The following ABCD3 variants were observed in gnomAD, a reference collection of about 807,000 sequenced individuals.
The protein encoded by ABCD3 is ATP binding cassette subfamily D member 3, also known as ATP-binding cassette sub-family D member 3.
A neutral mutation model predicts 105.5 loss-of-function variants in ABCD3; 41 were observed. That is an observed-to-expected ratio of 0.39 (90% CI 0.30 to 0.50). ABCD3 has a LOEUF of 0.50. Among genes scored for constraint, ABCD3 ranks in the 20% least tolerant of loss-of-function variants. The pLI is 0.84. For synonymous variants in ABCD3, 258 were observed against 269.0 expected (o/e 0.96, Z 0.40); for missense variants, 622 against 806.3 (o/e 0.77, Z 2.77).
At chr1:94,402,062 G>C in the ABCD3 span, among the ~76,000 whole-genome samples, 2 of 152,170 alleles carry the variant, frequency 1.3e-5, no homozygotes, top group East Asian at 3.8e-4. Context: ...GTGTGTGTCT[G>C]CTTATCTGTC....
chr1:94,389,271 C>T, the ABCD3 span, among the ~76,000 whole-genome samples: 56 of 152,348 alleles, frequency 3.7e-4, 1 homozygote, highest in South Asian at 0.01. Flanking sequence ...CAGGCCCCCA[C>T]ATCTGGCCAT....
chr1:94,401,786 C>T, the ABCD3 span, among the ~76,000 whole-genome samples: 6 of 152,138 alleles, frequency 3.9e-5, no homozygotes, highest in Non-Finnish European at 5.9e-5. Flanking sequence ...CTTGTTTGCT[C>T]ATTCATTCAT....
At chr1:94,388,840 A>C in the ABCD3 span, among the ~76,000 whole-genome samples, 8 of 152,190 alleles carry the variant, frequency 5.3e-5, no homozygotes, top group African/African-American at 1.9e-4. Flanking sequence ...AAAAACAAAA[A>C]ACAATTTAAT....
intron 4 of ABCD3, among the ~76,000 whole-genome samples, chr1:94,471,023 T>C (rs1459627458): frequency 6.6e-6 from 1 of 152,162 alleles, no homozygotes; most frequent in Non-Finnish European, 1.5e-5. Context: ...GGCTGTGAAT[T>C]CATATTTAAA....
the ABCD3 span, among the ~76,000 whole-genome samples, chr1:94,390,639 A>G: frequency 1.3e-5 from 2 of 152,106 alleles, no homozygotes; most frequent in African/African-American, 4.8e-5. Flanking sequence ...TGGTGCTGCT[A>G]ATCTCTGCAA....
intron 1 of ABCD3, among the ~76,000 whole-genome samples, chr1:94,451,752 T>C (rs1647270452): frequency 1.3e-5 from 2 of 152,188 alleles, no homozygotes; most frequent in African/African-American, 4.8e-5. Flanking sequence ...TTACTGTTAT[T>C]CTTTATTGTA....
chr1:94,496,258 C>G (rs1460493512), intron 16 of ABCD3, among the ~76,000 whole-genome samples: 1 of 152,164 alleles, frequency 6.6e-6, no homozygotes, highest in African/African-American at 2.4e-5. Context: ...TCCTTCCTCT[C>G]CCTTGCCCCT....
At chr1:94,469,477 A>G (rs1570785607) in intron 4 of ABCD3, among the ~76,000 whole-genome samples, 1 of 137,184 alleles carries the variant, frequency 7.3e-6, no homozygotes, top group African/African-American at 2.7e-5. Flanking sequence ...ATTGGCAGTT[A>G]TTTGTGCACA....
rs186184617 is a variant in ABCD3 at position 94,498,310 on chromosome 1, G to A, written c.1387-292G>A. Among the ~76,000 whole-genome samples the A allele has an allele frequency of 2.0e-3, 307 of 151,996 alleles. 2 individuals are homozygous for A. The highest frequency in any genetic ancestry group is 5.0e-3 in the South Asian group (24 of 4,804). ...TAGTCTCAAACTCCCAGTTTCAAGC[G>A]ATCCTCCTGCCTTAGCCTCCCAAAA... On this transcript the variant is annotated intron_variant, in intron 16 of 22. Coordinates refer to ENST00000370214, the MANE Select transcript of ABCD3 (RefSeq NM_002858.4).
intron 20 of ABCD3, among the ~76,000 whole-genome samples, chr1:94,505,862 A>T (rs935971860): frequency 6.6e-6 from 1 of 152,124 alleles, no homozygotes; most frequent in African/African-American, 2.4e-5. Flanking sequence ...GGTCTTAAAC[A>T]TGGAGATCTT....
At chr1:94,438,436 A>G (rs553025312) in intron 1 of ABCD3, among the ~76,000 whole-genome samples, 2 of 152,316 alleles carry the variant, frequency 1.3e-5, no homozygotes, top group South Asian at 2.1e-4. Context: ...TGATGTGAAC[A>G]TTGTTAAATG....
In ABCD3 at chr1:94,484,646, G is replaced by T. The variant is rs181720744; in HGVS notation, c.897+1407G>T. On this transcript the variant is annotated intron_variant, in intron 10 of 22. Coordinates refer to ENST00000370214, the MANE Select transcript of ABCD3 (RefSeq NM_002858.4). ...CACCGGGGCCTGTTGTGGGGTGGGGGCCTGGGGGAGGGATAGCATTAGGAG... is the reference window on the plus strand; with the variant it reads ...CACCGGGGCCTGTTGTGGGGTGGGGTCCTGGGGGAGGGATAGCATTAGGAG... 5.3e-3 allele frequency among the ~76,000 whole-genome samples: 814 copies of T among 152,276 alleles called. 9 individuals carry two copies. The highest frequency in any genetic ancestry group is 0.018 in the African/African-American group (763 of 41,552).
chr1:94,493,053 A>G lies in ABCD3; in HGVS notation c.1386+1806A>G, dbSNP rs562932353. On this transcript the variant is annotated intron_variant, in intron 16 of 22. Transcript: ENST00000370214. ...AGGCATGGGCAAGGACTTCATGTCTAAAACACCAAAAGCAATGGCAACAAA... is the reference window on the plus strand; with the variant it reads ...AGGCATGGGCAAGGACTTCATGTCTGAAACACCAAAAGCAATGGCAACAAA... 8.5e-5 allele frequency among the ~76,000 whole-genome samples: 13 copies of G among 152,266 alleles called. No homozygotes were observed. The East Asian group carries it at 2.5e-3, about 29-fold the overall frequency.
Position 94,508,496 on chromosome 1 carries a change from A to T in ABCD3, c.1845+1854A>T, listed in dbSNP as rs972400088. On this transcript the variant is annotated intron_variant, in intron 21 of 22. Transcript: ENST00000370214. ...GCGTGCTCTTTTTTGGTTCCATATG[A>T]ACTTTAAAGTAGTTTTTTCCAATTC... Among the ~76,000 whole-genome samples the T allele has an allele frequency of 1.3e-4, 20 of 151,540 alleles. No individual in the cohort carries two copies. In the South Asian group the frequency reaches 1.7e-3, roughly 13 times the overall value.
intron 4 of ABCD3, among the ~76,000 whole-genome samples, chr1:94,472,649 A>T (rs1199508365): frequency 2.0e-5 from 3 of 152,156 alleles, no homozygotes; most frequent in African/African-American, 7.2e-5. Flanking sequence ...AAGCTTTGAG[A>T]AGGTCTTTGG....
intron 1 of ABCD3, among the ~76,000 whole-genome samples, chr1:94,438,144 G>A (rs559435124): frequency 5.3e-5 from 8 of 151,878 alleles, no homozygotes; most frequent in East Asian, 1.9e-4. Flanking sequence ...AAAATTAGCC[G>A]GGTGTGGTGG....
At chr1:94,440,626 A>G (rs1366642997) in intron 1 of ABCD3, among the ~76,000 whole-genome samples, 1 of 152,148 alleles carries the variant, frequency 6.6e-6, no homozygotes, top group Non-Finnish European at 1.5e-5. Flanking sequence ...TCTTTTAGTG[A>G]TGTAGGGATC....
At chr1:94,418,304 A>G (rs1659100775), upstream of ABCD3, among the ~76,000 whole-genome samples, 3 of 152,090 alleles carry the variant, frequency 2.0e-5, no homozygotes, top group Admixed American at 6.5e-5. Context: ...GGGCCAAAGT[A>G]CAAAGTGGGC....
rs944240622 is a variant in ABCD3, at chr1:94,418,721, G to T, written c.110+133G>T. 39 of 895,852 alleles carry T rather than the reference G, an allele frequency of 4.4e-5. No homozygotes were observed. The African/African-American group carries it at 6.0e-4, about 14-fold the overall frequency. 55.5% of individuals were successfully genotyped at this position (895,852 alleles called of 1,614,324 possible). On this transcript the variant is annotated intron_variant, in intron 1 of 22. Coordinates refer to ENST00000370214, the MANE Select transcript of ABCD3 (RefSeq NM_002858.4). ...GGAGAGAGGGCCGACCGCGACTGCC[G>T]TGGGACTTCAATGTCAGGGTGTCCG...
Sources: gnomAD v4.1 joint callset for allele counts (sites outside exome capture counted in the v4.1 genomes callset) on GRCh38, gnomAD v4.1.1 for gene constraint, MANE v1.5 for transcripts, NCBI Gene and HGNC (gene_info 2026-07-23, HGNC 2026-07-21) for gene names.